PTPRD: variants seen among roughly 807,000 people sequenced by gnomAD.
PTPRD encodes the protein receptor-type tyrosine-protein phosphatase delta.
PTPRD carries 34 observed loss-of-function variants against 214.5 expected under a neutral mutation model. The observed-to-expected ratio is 0.16, with a 90% CI of 0.12 to 0.21. The LOEUF (loss-of-function observed/expected upper bound fraction) is 0.21, where lower values mean the gene tolerates loss of function less well. PTPRD is among the 10% of genes least tolerant of loss of function. The pLI is 1.00. For missense variants in PTPRD, 2,545 were observed against 2,398.7 expected, an observed-to-expected ratio of 1.06 and a Z score of -1.27; for synonymous variants, 1,128 against 845.7, an observed-to-expected ratio of 1.33 and a Z score of -5.79.
chr9:8,633,229 T>G, intron 14 of PTPRD, 88 bp downstream of exon 14: 1 of 1,478,730 alleles, frequency 6.8e-7, no homozygotes, highest in Middle Eastern at 1.8e-4. Flanking sequence ...TTAAGCACCA[T>G]CACAATGCTA....
intron 8 of PTPRD, among the ~76,000 whole-genome samples, chr9:9,440,029 G>C (rs551752260): frequency 7.6e-4 from 116 of 152,270 alleles, no homozygotes; most frequent in Middle Eastern, 3.4e-3. Flanking sequence ...AAAGCAAAAG[G>C]TTAGGTTGTC....
At chr9:8,342,861 A>G (rs1461669185) in intron 39 of PTPRD, among the ~76,000 whole-genome samples, 1 of 152,132 alleles carries the variant, frequency 6.6e-6, no homozygotes, top group Admixed American at 6.6e-5. Flanking sequence ...AGAAAGAAAA[A>G]GGATGTATTA....
At chr9:8,401,568 A>ACAAGCACAT (rs2092398360) in intron 36 of PTPRD, among the ~76,000 whole-genome samples, 4 of 152,176 alleles carry the variant, frequency 2.6e-5, no homozygotes, top group Non-Finnish European at 5.9e-5. Context: ...CCTAAATAAA[A>ACAAGCACAT]TGACTGTGAT....
intron 2 of PTPRD, among the ~76,000 whole-genome samples, chr9:10,519,395 T>C (rs533060001): frequency 6.6e-6 from 1 of 152,070 alleles, no homozygotes; most frequent in South Asian, 2.1e-4. Flanking sequence ...AATCTGATGA[T>C]TGAAAACACA....
intron 8 of PTPRD, among the ~76,000 whole-genome samples, chr9:9,445,160 T>C (rs773574604): frequency 3.3e-5 from 5 of 152,180 alleles, no homozygotes; most frequent in African/African-American, 1.2e-4. Flanking sequence ...CTAGAGATTA[T>C]TCTGGATAAT....
At chr9:10,138,127 T>C (rs1197370960) in intron 3 of PTPRD, among the ~76,000 whole-genome samples, 1 of 151,954 alleles carries the variant, frequency 6.6e-6, no homozygotes, top group Non-Finnish European at 1.5e-5. Flanking sequence ...ATAAACAAGA[T>C]GTATAGACCT....
chr9:9,918,059 A>G (rs13284583), intron 5 of PTPRD, among the ~76,000 whole-genome samples: 1 of 151,986 alleles, frequency 6.6e-6, no homozygotes. Context: ...CCTACCCAGA[A>G]CAATTAGGCA....
At chr9:9,294,013 A>G (rs1371359495) in intron 9 of PTPRD, among the ~76,000 whole-genome samples, 1 of 151,626 alleles carries the variant, frequency 6.6e-6, no homozygotes, top group Non-Finnish European at 1.5e-5. Flanking sequence ...AATAAGGGTT[A>G]CTTGGACACA....
At chr9:8,722,809 A>G (rs1444781173) in intron 12 of PTPRD, among the ~76,000 whole-genome samples, 2 of 152,240 alleles carry the variant, frequency 1.3e-5, no homozygotes, top group Admixed American at 1.3e-4. Flanking sequence ...CTTTAAAAGA[A>G]AAATAAAACT....
At chr9:10,455,948 A>T (rs1343650999) in intron 2 of PTPRD, among the ~76,000 whole-genome samples, 1 of 151,786 alleles carries the variant, frequency 6.6e-6, no homozygotes, top group African/African-American at 2.4e-5. Flanking sequence ...TTTGTTTCTA[A>T]TCCCTTGTTC....
chr9:8,815,061 A>G (rs2096892348), intron 11 of PTPRD, among the ~76,000 whole-genome samples: 1 of 152,126 alleles, frequency 6.6e-6, no homozygotes, highest in East Asian at 1.9e-4. Context: ...AGTGGACAAG[A>G]ATTGTCATAT....
chr9:9,345,569 G>A (rs1320683772), intron 9 of PTPRD, among the ~76,000 whole-genome samples: 1 of 152,000 alleles, frequency 6.6e-6, no homozygotes, highest in African/African-American at 2.4e-5. Context: ...TAGAATCTAT[G>A]ACTCTGTTAC....
At chr9:8,777,613 T>C (rs1199868444) in intron 11 of PTPRD, among the ~76,000 whole-genome samples, 1 of 152,196 alleles carries the variant, frequency 6.6e-6, no homozygotes, top group African/African-American at 2.4e-5. Context: ...GAGTCATACA[T>C]TAATTTTTGT....
intron 7 of PTPRD, among the ~76,000 whole-genome samples, chr9:9,659,095 A>G (rs1380244774): frequency 1.3e-5 from 2 of 152,130 alleles, no homozygotes; most frequent in African/African-American, 4.8e-5. Flanking sequence ...AGGATACATA[A>G]AAACAGTTGC....
Position 10,060,896 on chromosome 9 carries a change from C to T in PTPRD, c.-544-27106G>A, listed in dbSNP as rs946373278. ...TCCTTCCTTCCTTCCTTCCTTCCTT[C>T]CTTCTTTCTTTCTTTCTTTCTTTCT... is the stretch of plus-strand genomic sequence containing the variant. On this transcript the variant is annotated intron_variant, in intron 3 of 45. Transcript: ENST00000381196. Among the ~76,000 whole-genome samples the T allele has an allele frequency of 6.3e-4, 50 of 79,518 alleles. 2 individuals are homozygous for T. In the African/African-American group the frequency reaches 6.5e-3, roughly 10 times the overall value. 52.2% of individuals were successfully genotyped at this position (79,518 alleles called of 152,430 possible). A position where few individuals can be genotyped will look rare whatever the true frequency, so the allele number is the denominator to read the frequency against.
intron 4 of PTPRD, among the ~76,000 whole-genome samples, chr9:10,007,401 C>T (rs2096502762): frequency 6.6e-6 from 1 of 151,836 alleles, no homozygotes; most frequent in Non-Finnish European, 1.5e-5. Flanking sequence ...AAAAGCAATA[C>T]CAAGGAAGAA....
rs1182452571 is a variant in PTPRD, at chr9:8,317,662, C to G, written c.*212G>C. The G allele has an allele frequency of 7.3e-6, 3 of 411,846 alleles. No homozygotes were observed. Among genetic ancestry groups the G allele is most frequent in the Non-Finnish European group, 1.3e-5 (3 of 222,320 alleles). The allele number at this position is 411,846 out of a possible 1,614,324, so 25.5% of individuals were successfully genotyped here. ...TTCAGATGCCTCATCAGTCAGGATT[C>G]TCTTCATTATTTTTCAGGTTAGATT... On this transcript the variant is annotated 3_prime_UTR_variant, in exon 46 of 46. Transcript: ENST00000381196.
chr9:8,786,235 T>C (rs2095958944), intron 11 of PTPRD, among the ~76,000 whole-genome samples: 1 of 151,982 alleles, frequency 6.6e-6, no homozygotes, highest in African/African-American at 2.4e-5. Flanking sequence ...TAACTATGAG[T>C]TTCATTTTGT....
intron 5 of PTPRD, among the ~76,000 whole-genome samples, chr9:9,780,424 C>T: frequency 6.6e-6 from 1 of 151,924 alleles, no homozygotes; most frequent in East Asian, 1.9e-4. Context: ...AAACAATACC[C>T]AATTTTCAAA....
Sources: gnomAD v4.1 joint callset for allele counts (sites outside exome capture counted in the v4.1 genomes callset) on GRCh38, gnomAD v4.1.1 for gene constraint, MANE v1.5 for transcripts, NCBI Gene and HGNC (gene_info 2026-07-23, HGNC 2026-07-21) for gene names.